The following ANKRD44 variants were observed in gnomAD, a reference collection of about 807,000 sequenced individuals.
The protein encoded by ANKRD44 is ankyrin repeat domain 44.
Under a neutral mutation model 116.0 loss-of-function variants are expected in ANKRD44, and 35 were observed. That is an observed-to-expected ratio of 0.30 (90% CI 0.23 to 0.40). ANKRD44 has a LOEUF of 0.40. ANKRD44 is among the 10% of genes least tolerant of loss of function. The pLI is 1.00. For missense variants in ANKRD44, 1,014 were observed against 1,242.6 expected (o/e 0.82, Z 2.77); for synonymous variants, 435 against 461.8 (o/e 0.94, Z 0.74).
chr2:197,299,425 C>T (rs1028736325), intron 1 of ANKRD44: 5 of 152,140 alleles, frequency 3.3e-5, no homozygotes, highest in African/African-American at 1.2e-4. Context: ...AAATATGGAA[C>T]CAGCTCAAAT....
In ANKRD44 at chr2:196,988,267, C is replaced by T. The variant is rs184584082; in HGVS notation, c.*1324G>A. ...TCCATTCACTTCTAGAAAAAGACAC[C>T]GCAGCATATTGTGCTTCTTCAACAC... On this transcript the variant is annotated 3_prime_UTR_variant, in exon 28 of 28. Coordinates refer to ENST00000282272, the MANE Select transcript of ANKRD44 (RefSeq NM_001195144.2). 9 of 985,372 alleles carry T rather than the reference C, an allele frequency of 9.1e-6. No individual in the cohort carries two copies. The highest frequency in any genetic ancestry group is 2.3e-4 in the East Asian group (2 of 8,820). 61.0% of individuals were successfully genotyped at this position (985,372 alleles called of 1,614,324 possible).
intron 10 of ANKRD44, among the ~76,000 whole-genome samples, chr2:197,091,531 G>T (rs2078043528): frequency 6.6e-6 from 1 of 152,078 alleles, no homozygotes; most frequent in African/African-American, 2.4e-5. Flanking sequence ...TAATTTTTTG[G>T]TGTATTTTGT....
At chr2:197,229,693 A>C (rs988321179) in intron 1 of ANKRD44, among the ~76,000 whole-genome samples, 4 of 152,212 alleles carry the variant, frequency 2.6e-5, no homozygotes, top group African/African-American at 9.6e-5. Context: ...TGCTCTAGGA[A>C]GTAGGTACTG....
intron 11 of ANKRD44, among the ~76,000 whole-genome samples, chr2:197,089,685 A>G (rs2077999596): frequency 6.6e-6 from 1 of 152,192 alleles, no homozygotes; most frequent in Non-Finnish European, 1.5e-5. Flanking sequence ...CATCCCTGCC[A>G]TGTTTCACCC....
At chr2:197,224,652 T>C (rs779163274) in intron 1 of ANKRD44, among the ~76,000 whole-genome samples, 5 of 152,240 alleles carry the variant, frequency 3.3e-5, no homozygotes, top group Non-Finnish European at 7.3e-5. Flanking sequence ...TTTTGGTTTG[T>C]TGCGCTTTTC....
intron 16 of ANKRD44, among the ~76,000 whole-genome samples, chr2:197,070,298 A>C (rs1399915519): frequency 6.6e-6 from 1 of 152,186 alleles, no homozygotes; most frequent in African/African-American, 2.4e-5. Flanking sequence ...GTGGTATAAG[A>C]AGACATCCTT....
chr2:197,268,880 T>A (rs1559203065), intron 1 of ANKRD44, among the ~76,000 whole-genome samples: 1 of 152,208 alleles, frequency 6.6e-6, no homozygotes. Flanking sequence ...AATGTTTTTT[T>A]AAATTGTAAT....
At chr2:197,181,737 C>T (rs565363055) in intron 2 of ANKRD44, among the ~76,000 whole-genome samples, 14 of 152,280 alleles carry the variant, frequency 9.2e-5, no homozygotes, top group African/African-American at 2.6e-4. Context: ...CTTGCCAATT[C>T]GACTCATTGC....
intron 16 of ANKRD44, among the ~76,000 whole-genome samples, chr2:197,045,605 G>A (rs1319800673): frequency 2.0e-5 from 3 of 152,124 alleles, no homozygotes; most frequent in Non-Finnish European, 1.5e-5. Context: ...TCAGGTCCCT[G>A]TTACTCCTCC....
chr2:197,165,939 G>A (rs142117994), intron 2 of ANKRD44, among the ~76,000 whole-genome samples: 1 of 152,156 alleles, frequency 6.6e-6, no homozygotes, highest in African/African-American at 2.4e-5. Context: ...TTCCAGGCAA[G>A]TTTAGACAAA....
chr2:197,243,490 T>C (rs745651747), intron 1 of ANKRD44, among the ~76,000 whole-genome samples: 2 of 152,152 alleles, frequency 1.3e-5, no homozygotes, highest in African/African-American at 2.4e-5. Flanking sequence ...TTCCTAAAAC[T>C]AACATAATTA....
At chr2:197,281,701 A>C (rs1378407520) in intron 1 of ANKRD44, among the ~76,000 whole-genome samples, 1 of 152,208 alleles carries the variant, frequency 6.6e-6, no homozygotes, top group Non-Finnish European at 1.5e-5. Flanking sequence ...CGTTTACTGC[A>C]TTTCCTCTAT....
Position 196,998,921 on chromosome 2 carries a change from T to C in ANKRD44, c.2651A>G (p.Gln884Arg). 2 of 1,614,218 alleles carry C rather than the reference T, an allele frequency of 1.2e-6. No individual in the cohort carries two copies. The highest frequency in any genetic ancestry group is 1.3e-5 in the African/African-American group (1 of 75,070). Reference protein sequence around the residue: ...TALMMAAENGQAGAVDILVNS... With the variant: ...TALMMAAENGRAGAVDILVNS... ...CAAGCACATACCCACAGCGCCTGCCTGCCCATTCTCAGCAGCCATCATCAG... is the reference window on the plus strand; with the variant it reads ...CAAGCACATACCCACAGCGCCTGCCCGCCCATTCTCAGCAGCCATCATCAG... Residue 884 changes from glutamine (Q) to arginine (R), a missense_variant, in exon 24 of 28, where the codon CAG (glutamine) becomes CGG (arginine). By Grantham distance (43) the Gln-to-Arg change is conservative. Transcript: ENST00000282272.
At chr2:197,041,340 A>AC (rs1275514215) in intron 16 of ANKRD44, among the ~76,000 whole-genome samples, 1 of 152,078 alleles carries the variant, frequency 6.6e-6, no homozygotes, top group Admixed American at 6.5e-5. Context: ...CATATGGGCT[A>AC]CCCTCTCCTG....
chr2:197,006,996 TG>T (rs1219222574), intron 20 of ANKRD44, among the ~76,000 whole-genome samples: 2 of 151,750 alleles, frequency 1.3e-5, no homozygotes, highest in African/African-American at 2.4e-5. Flanking sequence ...TCCCAGTTAC[TG>T]GGGGGAGTTG....
At chr2:197,057,649 A>G (rs538175400) in intron 16 of ANKRD44, among the ~76,000 whole-genome samples, 1 of 152,302 alleles carries the variant, frequency 6.6e-6, no homozygotes, top group Admixed American at 6.5e-5. Context: ...CAAGGCCAGG[A>G]GTTTGAGACA....
rs867627441 is a variant in ANKRD44 at position 197,186,970 on chromosome 2, T to C, written c.111+53A>G. On this transcript the variant is annotated intron_variant, in intron 2 of 27. Coordinates refer to ENST00000282272, the MANE Select transcript of ANKRD44 (RefSeq NM_001195144.2). The stretch of plus-strand genomic sequence containing the variant: ...ATGGTATATAAAAGGTTAAGAGTCC[T>C]TTCCTGCTCCAGGCTAACAGGGCCT... 9.9e-6 allele frequency: 15 copies of C among 1,516,108 alleles called. No individual in the cohort carries two copies. In the Middle Eastern group the frequency reaches 2.2e-3, roughly 224 times the overall value. 93.9% of individuals were successfully genotyped at this position (1,516,108 alleles called of 1,614,324 possible).
Position 197,025,210 on chromosome 2 carries a change from G to C in ANKRD44, c.1708C>G (p.Pro570Ala). Residue 570 changes from proline to alanine, a missense_variant, in exon 17 of 28, where the codon CCA (proline) becomes GCA (alanine). Transcript: ENST00000282272. ...ATCTCACTTACAGCTAAGTGGAGTG[G>C]ACTCTTAGTAGCACCAGAATCTGAT... is the stretch of plus-strand genomic sequence containing the variant. ...EESDSGATKS[P>A]LHLAAYNGHH... 6.2e-7 allele frequency: 1 copy of C among 1,612,052 alleles called. No individual in the cohort carries two copies. Among genetic ancestry groups the C allele is most frequent in the South Asian group, 1.1e-5 (1 of 90,962 alleles).
At chr2:196,982,129 TGCAG>T (rs2075806392), downstream of ANKRD44, among the ~76,000 whole-genome samples, 2 of 144,646 alleles carry the variant, frequency 1.4e-5, no homozygotes, top group African/African-American at 5.0e-5. Flanking sequence ...TATATATATA[TGCAG>T]AGACAAATCT....
Sources: allele counts gnomAD v4.1 joint callset (sites outside exome capture counted in the v4.1 genomes callset), GRCh38; gene constraint gnomAD v4.1.1; transcripts MANE v1.5; gene names NCBI Gene and HGNC (gene_info 2026-07-23, HGNC 2026-07-21).